Variants in NR2C2 observed in about 807,000 individuals in gnomAD.
NR2C2 encodes the protein nuclear receptor subfamily 2 group C member 2.
In NR2C2, 6 loss-of-function variants were observed where a neutral mutation model predicts 62.9. The ratio of observed to expected loss-of-function variants is 0.10; its 90% CI spans 0.05 to 0.19. The LOEUF (loss-of-function observed/expected upper bound fraction) is 0.19, where lower values mean the gene tolerates loss of function less well. Among genes scored for constraint, NR2C2 ranks in the 10% least tolerant of loss-of-function variants. The pLI is 1.00. For synonymous variants in NR2C2, 272 were observed against 273.8 expected (o/e 0.99, Z 0.07); for missense variants, 479 against 762.7 (o/e 0.63, Z 4.38).
chr3:14,965,845 C>T (rs561528776), intron 1 of NR2C2, among the ~76,000 whole-genome samples: 1 of 151,868 alleles, frequency 6.6e-6, no homozygotes, highest in African/African-American at 2.4e-5. Context: ...TTGTATTTGT[C>T]GTAGAGACAG....
intron 13 of NR2C2, among the ~76,000 whole-genome samples, chr3:15,040,943 G>A (rs1311523504): frequency 1.3e-5 from 2 of 152,204 alleles, no homozygotes; most frequent in African/African-American, 4.8e-5. Context: ...GCTACTGGCA[G>A]AGCCACAGCA....
At chr3:15,001,598 G>A (rs575492439) in intron 1 of NR2C2, among the ~76,000 whole-genome samples, 1 of 152,096 alleles carries the variant, frequency 6.6e-6, no homozygotes, top group Non-Finnish European at 1.5e-5. Context: ...GCCTCCCAAA[G>A]TGCTGGGATT....
intron 1 of NR2C2, among the ~76,000 whole-genome samples, chr3:15,000,108 TAAA>T (rs143891534): frequency 6.6e-6 from 1 of 151,272 alleles, no homozygotes; most frequent in Non-Finnish European, 1.5e-5. Flanking sequence ...GCAATAGGTC[TAAA>T]AAAAAAGAAA....
Position 15,047,714 on chromosome 3 carries a change from C to T in NR2C2, c.*4706C>T, listed in dbSNP as rs950821624. The T allele has an allele frequency of 9.2e-5, 14 of 152,320 alleles. No homozygotes were observed. The East Asian group carries it at 2.5e-3, about 27-fold the overall frequency. The allele number at this position is 152,320 out of a possible 1,614,324, so 9.4% of individuals were successfully genotyped here. A position where few individuals can be genotyped will look rare whatever the true frequency, so the allele number is the denominator to read the frequency against. ...TCTATCGCCAGTTAAAAATAAACAA[C>T]CTACCAAGTATTATTCTTTAAAACT... On this transcript the variant is annotated 3_prime_UTR_variant, in exon 14 of 14. Coordinates refer to ENST00000425241, the MANE Select transcript of NR2C2 (RefSeq NM_001291694.2).
intron 1 of NR2C2, chr3:14,948,696 C>T (rs192578898): frequency 2.6e-5 from 4 of 152,674 alleles, no homozygotes; most frequent in African/African-American, 9.6e-5. Context: ...GAACGCGTCT[C>T]GAATGAGTAC....
At chr3:15,033,639 CTT>C (rs58524753) in intron 10 of NR2C2, among the ~76,000 whole-genome samples, 11 of 84,820 alleles carry the variant, frequency 1.3e-4, no homozygotes, top group African/African-American at 1.8e-4. Context: ...TAACCTCAGG[CTT>C]TTTTTTTTTT....
At chr3:14,962,572 A>G (rs530462111) in intron 1 of NR2C2, 12 of 152,694 alleles carry the variant, frequency 7.9e-5, no homozygotes, top group African/African-American at 2.4e-4. Flanking sequence ...ATTTTTTTCA[A>G]AACAGTCCCT....
chr3:14,983,243 C>A (rs548743751), intron 1 of NR2C2, among the ~76,000 whole-genome samples: 2 of 152,134 alleles, frequency 1.3e-5, no homozygotes, highest in East Asian at 1.9e-4. Flanking sequence ...ATTAACCATC[C>A]CCGCCACTAC....
At chr3:14,987,557 C>T (rs2040545205) in intron 1 of NR2C2, among the ~76,000 whole-genome samples, 1 of 151,978 alleles carries the variant, frequency 6.6e-6, no homozygotes, top group Admixed American at 6.6e-5. Context: ...TCTTTATTAC[C>T]ACACTATGTA....
At chr3:14,953,915 C>T (rs2039446107) in intron 1 of NR2C2, among the ~76,000 whole-genome samples, 1 of 145,850 alleles carries the variant, frequency 6.9e-6, no homozygotes, top group Non-Finnish European at 1.5e-5. Context: ...AAAAAAACAA[C>T]TGAGGCTGGA....
chr3:14,997,939 ATTATTC>A (rs2040879087), intron 1 of NR2C2, among the ~76,000 whole-genome samples: 2 of 152,272 alleles, frequency 1.3e-5, no homozygotes, highest in South Asian at 2.1e-4. Flanking sequence ...TCTCTTAGCA[ATTATTC>A]TTGCTACCCC....
At chr3:15,013,269 T>C (rs1244117390) in intron 2 of NR2C2, among the ~76,000 whole-genome samples, 2 of 152,240 alleles carry the variant, frequency 1.3e-5, no homozygotes, top group African/African-American at 4.8e-5. Context: ...ACATTTGTTA[T>C]TAGGTGAGGA....
intron 1 of NR2C2, among the ~76,000 whole-genome samples, chr3:14,985,504 T>C (rs1574963678): frequency 6.6e-6 from 1 of 150,708 alleles, no homozygotes; most frequent in South Asian, 2.1e-4. Context: ...ATTGGCTTAA[T>C]TTATTTTTAG....
chr3:14,965,522 CAAA>C (rs545143806), intron 1 of NR2C2, among the ~76,000 whole-genome samples: 4,507 of 78,732 alleles, frequency 0.057, 20 homozygotes, highest in East Asian at 0.14. Flanking sequence ...TTTCCCATGG[CAAA>C]AAAAAAAAAA....
At chr3:14,972,973 G>A (rs2040091126) in intron 1 of NR2C2, among the ~76,000 whole-genome samples, 1 of 152,112 alleles carries the variant, frequency 6.6e-6, no homozygotes, top group African/African-American at 2.4e-5. Context: ...CCATCAGGCC[G>A]CACCTCCAGC....
At chr3:14,951,904 C>T (rs1049137976) in intron 1 of NR2C2, among the ~76,000 whole-genome samples, 1 of 152,262 alleles carries the variant, frequency 6.6e-6, no homozygotes. Flanking sequence ...CCCGCCACCA[C>T]GCCTGGCTAA....
intron 1 of NR2C2, among the ~76,000 whole-genome samples, chr3:14,949,127 G>T (rs1487257002): frequency 1.3e-5 from 2 of 152,198 alleles, no homozygotes; most frequent in Non-Finnish European, 2.9e-5. Flanking sequence ...AGGCACTGGG[G>T]ACACATCTGG....
At chr3:15,018,871 T>TG (rs1426680444) in intron 4 of NR2C2, among the ~76,000 whole-genome samples, 1 of 151,592 alleles carries the variant, frequency 6.6e-6, no homozygotes, top group African/African-American at 2.4e-5. Context: ...AAAAATTAGC[T>TG]GGGTGTGGTA....
chr3:15,007,784 A>C (rs2041228316), intron 2 of NR2C2, among the ~76,000 whole-genome samples: 1 of 152,208 alleles, frequency 6.6e-6, no homozygotes, highest in South Asian at 2.1e-4. Flanking sequence ...GCTTAGAGGG[A>C]AGAAATACTT....
Sources: gnomAD v4.1 joint callset for allele counts (sites outside exome capture counted in the v4.1 genomes callset) on GRCh38, gnomAD v4.1.1 for gene constraint, MANE v1.5 for transcripts, NCBI Gene and HGNC (gene_info 2026-07-23, HGNC 2026-07-21) for gene names.